Variants in NANOS1 observed in about 807,000 individuals in gnomAD.
The protein encoded by NANOS1 is nanos C2HC-type zinc finger 1.
Under a neutral mutation model 1.1 loss-of-function variants are expected in NANOS1, and 1 was observed. The ratio of observed to expected loss-of-function variants is 0.88; its 90% CI spans 0.31 to 4.20. The LOEUF (loss-of-function observed/expected upper bound fraction) is 4.20, where lower values mean the gene tolerates loss of function less well. Ranked by LOEUF, NANOS1 falls within the 30% of genes most tolerant of loss-of-function variation. The pLI is 0.17. For synonymous variants in NANOS1, 252 were observed against 230.6 expected, an observed-to-expected ratio of 1.09 and a Z score of -0.84; for missense variants, 537 against 457.9, an observed-to-expected ratio of 1.17 and a Z score of -1.58.
rs746943160 is a variant in NANOS1 at position 119,030,195 on chromosome 10, C to G, written c.394C>G (p.Leu132Val). Residue 132 changes from leucine (L) to valine (V), a missense_variant, in exon 1 of 1, where the codon CTG (leucine) becomes GTG (valine). By Grantham distance (32) the Leu-to-Val change is conservative. Transcript: ENST00000425699. This position sits in a 1 kb window ranked among gnomAD's most constrained non-coding sequence, Gnocchi z 5.3. ...GGGGAGCGCGCTGGAATTGCGCGCG[C>G]TGGAGCTGTGCGCGGGCCCCGCCGA... is the stretch of plus-strand genomic sequence containing the variant. ...YLGSALELRA[L>V]ELCAGPAEAG... 5.6e-5 allele frequency: 74 copies of G among 1,321,398 alleles called. No homozygotes were observed. The highest frequency in any genetic ancestry group is 2.4e-4 in the Middle Eastern group (1 of 4,244). The allele number at this position is 1,321,398 out of a possible 1,614,324, so 81.9% of individuals were successfully genotyped here. A position where few individuals can be genotyped will look rare whatever the true frequency, so the allele number is the denominator to read the frequency against.
chr10:119,030,753 C>A lies in NANOS1; in HGVS notation c.*73C>A. On this transcript the variant is annotated 3_prime_UTR_variant, in exon 1 of 1. Transcript: ENST00000425699. This position sits in a 1 kb window ranked among gnomAD's most constrained non-coding sequence, Gnocchi z 5.3. ...CTAGGTCTGCGCACCATCTCGCCCC[C>A]GCCGTGGGGAGGCGTGCGGCTCAGC... 2 of 1,244,024 alleles carry A rather than the reference C, an allele frequency of 1.6e-6. No homozygotes were observed. The highest frequency in any genetic ancestry group is 3.8e-5 in the South Asian group (1 of 26,360). The allele number at this position is 1,244,024 out of a possible 1,614,324, so 77.1% of individuals were successfully genotyped here.
chr10:119,030,054 T>G lies in NANOS1; in HGVS notation c.253T>G (p.Cys85Gly). 7.4e-7 allele frequency: 1 copy of G among 1,343,886 alleles called. No homozygotes were observed. Among genetic ancestry groups the G allele is most frequent in the Admixed American group, 3.5e-5 (1 of 28,388 alleles). The allele number at this position is 1,343,886 out of a possible 1,614,324, so 83.2% of individuals were successfully genotyped here. A position where few individuals can be genotyped will look rare whatever the true frequency, so the allele number is the denominator to read the frequency against. The change falls in exon 1 of 1, where the codon TGC (cysteine) becomes GGC (glycine). Residue 85 changes from cysteine (C) to glycine (G), a missense_variant. Cys to Gly is a radical substitution (Grantham distance 159). Coordinates refer to ENST00000425699, the MANE Select transcript of NANOS1 (RefSeq NM_199461.4). The surrounding 1 kb of genome is among the most constrained non-coding windows in gnomAD (Gnocchi z 5.3). ...GCCCTCCTCCTCCTCGTCGTCCTGCTGCTCCCCCCACACGGGGGCCGGGCC... is the reference window on the plus strand; with the variant it reads ...GCCCTCCTCCTCCTCGTCGTCCTGCGGCTCCCCCCACACGGGGGCCGGGCC... ...SPPSSSSSSC[C>G]SPHTGAGPGA...
In NANOS1 at chr10:119,030,319, C is replaced by T. The variant is rs1255742202; in HGVS notation, c.518C>T (p.Ala173Val). ...TGCGCGCCCGCCGCCGCCGCCGCCG[C>T]CACCACCACCAGCGAGGCGACGCCG... ...LGCAPAAAAA[A>V]TTTSEATPRE... Residue 173 changes from alanine to valine, a missense_variant, in exon 1 of 1, where the codon GCC becomes GTC. Ala to Val is a moderately conservative substitution (Grantham distance 64). Transcript: ENST00000425699. This position sits in a 1 kb window ranked among gnomAD's most constrained non-coding sequence, Gnocchi z 5.3. The T allele has an allele frequency of 3.4e-5, 38 of 1,132,654 alleles. No homozygotes were observed. Among genetic ancestry groups the T allele is most frequent in the Non-Finnish European group, 3.8e-5 (35 of 927,020 alleles). 70.2% of individuals were successfully genotyped at this position (1,132,654 alleles called of 1,614,324 possible).
chr10:119,032,527 C>CT lies in NANOS1; in HGVS notation c.*1848dup, dbSNP rs1848066145. Reference sequence around the variant, plus strand: ...GAGCTTCACCTTCTGGGTGAAGTTTCTAAGGTCAACATGAATCCTCTTACC... The same window carrying CT: ...GAGCTTCACCTTCTGGGTGAAGTTTCTTAAGGTCAACATGAATCCTCTTACC... On this transcript the variant is annotated 3_prime_UTR_variant, in exon 1 of 1. Coordinates refer to ENST00000425699, the MANE Select transcript of NANOS1 (RefSeq NM_199461.4). The CT allele has an allele frequency of 6.0e-6, 1 of 167,076 alleles. No homozygotes were observed. The highest frequency in any genetic ancestry group is 6.5e-5 in the Admixed American group (1 of 15,284). The allele number at this position is 167,076 out of a possible 1,614,324, so 10.3% of individuals were successfully genotyped here.
Position 119,029,833 on chromosome 10 carries a change from C to A in NANOS1, c.32C>A (p.Pro11His). ...GCTTTCCCCTGGGCGCCCCGCTCGC[C>A]CCGCCGCGGCCGCGCCCCCCCGCCC... MEAFPWAPRS[P>H]RRGRAPPPMA... Residue 11 changes from proline (P) to histidine (H), a missense_variant, in exon 1 of 1, where the codon CCC (proline) becomes CAC (histidine). Coordinates refer to ENST00000425699, the MANE Select transcript of NANOS1 (RefSeq NM_199461.4). 1 of 1,191,194 alleles carries A rather than the reference C, an allele frequency of 8.4e-7. No individual in the cohort carries two copies. Among genetic ancestry groups the A allele is most frequent in the Non-Finnish European group, 1.0e-6 (1 of 966,002 alleles). The allele number at this position is 1,191,194 out of a possible 1,614,324, so 73.8% of individuals were successfully genotyped here.
At position 119,033,319 on chromosome 10, in the gene NANOS1, T is replaced by C. The variant is rs2119816364; in HGVS notation, c.*2639T>C. On this transcript the variant is annotated 3_prime_UTR_variant, in exon 1 of 1. Transcript: ENST00000425699. ...TATAGTTAATTTTCTAGGGTTCTCT[T>C]ATGAAAAGTATATGTAAACACATTC... is the stretch of plus-strand genomic sequence containing the variant. 6.0e-6 allele frequency: 1 copy of C among 167,240 alleles called. No individual in the cohort carries two copies. Among genetic ancestry groups the C allele is most frequent in the East Asian group, 1.9e-4 (1 of 5,192 alleles). The allele number at this position is 167,240 out of a possible 1,614,324, so 10.4% of individuals were successfully genotyped here.
rs79170274 is a variant in NANOS1, at chr10:119,030,036, T to A, written c.235T>A (p.Ser79Thr). Residue 79 changes from serine to threonine, a missense_variant, in exon 1 of 1, where the codon TCC (serine) becomes ACC (threonine). Coordinates refer to ENST00000425699, the MANE Select transcript of NANOS1 (RefSeq NM_199461.4). The surrounding 1 kb of genome is among the most constrained non-coding windows in gnomAD (Gnocchi z 5.3). ...GNGGGGSPPS[S>T]SSSSCCSPHT... ...CGGCGGCGGCGGCTCCCCGCCCTCCTCCTCCTCGTCGTCCTGCTGCTCCCC... is the reference window on the plus strand; with the variant it reads ...CGGCGGCGGCGGCTCCCCGCCCTCCACCTCCTCGTCGTCCTGCTGCTCCCC... The A allele has an allele frequency of 9.1e-3, 12,561 of 1,374,902 alleles. 859 individuals carry two copies. The African/African-American group carries it at 0.16, about 17-fold the overall frequency. The allele number at this position is 1,374,902 out of a possible 1,614,324, so 85.2% of individuals were successfully genotyped here.
Position 119,030,090 on chromosome 10 carries a change from G to C in NANOS1, c.289G>C (p.Gly97Arg). The change falls in exon 1 of 1, where the codon GGG (glycine) becomes CGG (arginine). Residue 97 changes from glycine (G) to arginine (R), a missense_variant. Gly to Arg is a moderately radical substitution (Grantham distance 125). Coordinates refer to ENST00000425699, the MANE Select transcript of NANOS1 (RefSeq NM_199461.4). This position sits in a 1 kb window ranked among gnomAD's most constrained non-coding sequence, Gnocchi z 5.3. ...PHTGAGPGALGPALGPPDYDE... is the reference protein window; with the variant it reads ...PHTGAGPGALRPALGPPDYDE... ...CACGGGGGCCGGGCCTGGGGCGCTG[G>C]GGCCGGCGCTGGGGCCGCCCGACTA... 1.5e-6 allele frequency: 2 copies of C among 1,311,544 alleles called. No individual in the cohort carries two copies. Among genetic ancestry groups the C allele is most frequent in the Non-Finnish European group, 1.9e-6 (2 of 1,035,826 alleles). The allele number at this position is 1,311,544 out of a possible 1,614,324, so 81.2% of individuals were successfully genotyped here.
chr10:119,030,583 C>G lies in NANOS1; in HGVS notation c.782C>G (p.Thr261Ser). 1 of 1,519,790 alleles carries G rather than the reference C, an allele frequency of 6.6e-7. No individual in the cohort carries two copies. The highest frequency in any genetic ancestry group is 1.2e-5 in the South Asian group (1 of 81,308). The allele number at this position is 1,519,790 out of a possible 1,614,324, so 94.1% of individuals were successfully genotyped here. Residue 261 changes from threonine to serine, a missense_variant, in exon 1 of 1, where the codon ACC becomes AGC. Transcript: ENST00000425699. This position sits in a 1 kb window ranked among gnomAD's most constrained non-coding sequence, Gnocchi z 5.3. The part of the protein sequence containing the change: ...LCGASGDNAH[T>S]IKYCPLSKVP... ...GGCGCCAGCGGCGACAACGCGCACA[C>G]CATCAAGTACTGCCCGCTCTCCAAA...
chr10:119,029,792 C>T lies in NANOS1; in HGVS notation c.-10C>T. On this transcript the variant is annotated 5_prime_UTR_variant, in exon 1 of 1. Transcript: ENST00000425699. ...CGGCGGGGAGGCGGCGCGCGGCCCG[C>T]AGCCCGCCCATGGAGGCTTTCCCCT... The T allele has an allele frequency of 1.9e-6, 2 of 1,030,848 alleles. No individual in the cohort carries two copies. Among genetic ancestry groups the T allele is most frequent in the Non-Finnish European group, 2.3e-6 (2 of 861,024 alleles). 63.9% of individuals were successfully genotyped at this position (1,030,848 alleles called of 1,614,324 possible). A position where few individuals can be genotyped will look rare whatever the true frequency, so the allele number is the denominator to read the frequency against.
chr10:119,030,668 G>A lies in NANOS1; in HGVS notation c.867G>A (p.Lys289=). The change falls in exon 1 of 1, where the codon AAG becomes AAA. Residue 289 remains lysine, a synonymous_variant. Transcript: ENST00000425699. This position sits in a 1 kb window ranked among gnomAD's most constrained non-coding sequence, Gnocchi z 5.3. ...PRSARDGPPG[K]KLR ...GCGCCAGGGACGGCCCGCCTGGCAA[G>A]AAGCTGCGCTGAAGGCCCGGGCTCC... The A allele has an allele frequency of 7.4e-7, 1 of 1,349,126 alleles. No individual in the cohort carries two copies. The highest frequency in any genetic ancestry group is 9.5e-7 in the Non-Finnish European group (1 of 1,051,404). The allele number at this position is 1,349,126 out of a possible 1,614,324, so 83.6% of individuals were successfully genotyped here.
rs1043157733 is a variant in NANOS1, at chr10:119,030,985, A to C, written c.*305A>C. On this transcript the variant is annotated 3_prime_UTR_variant, in exon 1 of 1. Transcript: ENST00000425699. The surrounding 1 kb of genome is among the most constrained non-coding windows in gnomAD (Gnocchi z 5.3). ...TAGAGGCGCTGTTTATTTACTGTAT[A>C]CGTCGACCTATTTTAGATGCGCATC... 3.3e-6 allele frequency: 1 copy of C among 304,250 alleles called. No homozygotes were observed. The highest frequency in any genetic ancestry group is 2.2e-5 in the African/African-American group (1 of 45,438). The allele number at this position is 304,250 out of a possible 1,614,324, so 18.8% of individuals were successfully genotyped here.
Position 119,031,840 on chromosome 10 carries a change from TG to T in NANOS1, c.*1165del, listed in dbSNP as rs1848054187. The T allele has an allele frequency of 6.0e-6, 1 of 167,074 alleles. No homozygotes were observed. Among genetic ancestry groups the T allele is most frequent in the Non-Finnish European group, 1.5e-5 (1 of 68,128 alleles). 10.3% of individuals were successfully genotyped at this position (167,074 alleles called of 1,614,324 possible). On this transcript the variant is annotated 3_prime_UTR_variant, in exon 1 of 1. Transcript: ENST00000425699. ...AATAAGCACTAATTAAAGGAATTGT[TG>T]GGGGTCCTTCATGTGTTCCCACTCC...
Position 119,030,282 on chromosome 10 carries a change from G to C in NANOS1, c.481G>C (p.Val161Leu), listed in dbSNP as rs1352176563. The C allele has an allele frequency of 3.3e-6, 4 of 1,214,910 alleles. No homozygotes were observed. Among genetic ancestry groups the C allele is most frequent in the Admixed American group, 4.3e-5 (1 of 23,048 alleles). The allele number at this position is 1,214,910 out of a possible 1,614,324, so 75.3% of individuals were successfully genotyped here. A position where few individuals can be genotyped will look rare whatever the true frequency, so the allele number is the denominator to read the frequency against. ...LSPFAGRAAA[V>L]LLGCAPAAAA... ...CCCGTTCGCGGGTCGTGCCGCCGCCGTGCTGCTGGGCTGCGCGCCCGCCGC... is the reference window on the plus strand; with the variant it reads ...CCCGTTCGCGGGTCGTGCCGCCGCCCTGCTGCTGGGCTGCGCGCCCGCCGC... Residue 161 changes from valine (V) to leucine (L), a missense_variant, in exon 1 of 1, where the codon GTG becomes CTG. Physicochemically the swap from Val to Leu is conservative, Grantham distance 32. Coordinates refer to ENST00000425699, the MANE Select transcript of NANOS1 (RefSeq NM_199461.4). The surrounding 1 kb of genome is among the most constrained non-coding windows in gnomAD (Gnocchi z 5.3).
Position 119,030,569 on chromosome 10 carries a change from C to G in NANOS1, c.768C>G (p.Gly256=). Residue 256 remains glycine, a synonymous_variant, in exon 1 of 1, where the codon GGC becomes GGG. Transcript: ENST00000425699. The surrounding 1 kb of genome is among the most constrained non-coding windows in gnomAD (Gnocchi z 5.3). ...CGTGTCCCCTGTGCGGCGCCAGCGG[C>G]GACAACGCGCACACCATCAAGTACT... ...RYTCPLCGAS[G]DNAHTIKYCP... The G allele has an allele frequency of 6.5e-7, 1 of 1,529,058 alleles. No individual in the cohort carries two copies. The allele number at this position is 1,529,058 out of a possible 1,614,324, so 94.7% of individuals were successfully genotyped here. A position where few individuals can be genotyped will look rare whatever the true frequency, so the allele number is the denominator to read the frequency against.
In NANOS1 at chr10:119,031,145, T is replaced by C. The variant is rs1044182267; in HGVS notation, c.*465T>C. 2.5e-4 allele frequency: 42 copies of C among 169,882 alleles called. No homozygotes were observed. The highest frequency in any genetic ancestry group is 5.1e-4 in the Non-Finnish European group (36 of 70,032). 10.5% of individuals were successfully genotyped at this position (169,882 alleles called of 1,614,324 possible). On this transcript the variant is annotated 3_prime_UTR_variant, in exon 1 of 1. Transcript: ENST00000425699. ...TTATGAAATGTCGGCAAAATGACTA[T>C]TTTATTGTTTGAAGCGAGTTAATAT...
rs1848010124 is a variant in NANOS1 at position 119,029,720 on chromosome 10, G to T, written c.-82G>T. ...GGCGCGGCGGCCCCACCCCGCGGCA[G>T]GCCGGCGGGCAGGCTCGGCGTGTCC... On this transcript the variant is annotated 5_prime_UTR_variant, in exon 1 of 1. It adds an upstream start codon to the 5' untranslated region. Coordinates refer to ENST00000425699, the MANE Select transcript of NANOS1 (RefSeq NM_199461.4). 12 of 723,826 alleles carry T rather than the reference G, an allele frequency of 1.7e-5. No individual in the cohort carries two copies. Among genetic ancestry groups the T allele is most frequent in the Non-Finnish European group, 2.0e-5 (12 of 594,210 alleles). The allele number at this position is 723,826 out of a possible 1,614,324, so 44.8% of individuals were successfully genotyped here.
At position 119,030,656 on chromosome 10, in the gene NANOS1, C is replaced by A; in HGVS notation, c.855C>A (p.Gly285=). ...CGCCGCCCCGCAGCGCCAGGGACGGCCCGCCTGGCAAGAAGCTGCGCTGAA... is the reference window on the plus strand; with the variant it reads ...CGCCGCCCCGCAGCGCCAGGGACGGACCGCCTGGCAAGAAGCTGCGCTGAA... ...ARPPPRSARD[G]PPGKKLR The change falls in exon 1 of 1, where the codon GGC becomes GGA. Residue 285 remains glycine, a synonymous_variant. Transcript: ENST00000425699. The surrounding 1 kb of genome is among the most constrained non-coding windows in gnomAD (Gnocchi z 5.3). 2 of 1,390,598 alleles carry A rather than the reference C, an allele frequency of 1.4e-6. No individual in the cohort carries two copies. The highest frequency in any genetic ancestry group is 3.5e-5 in the South Asian group (2 of 56,406). 86.1% of individuals were successfully genotyped at this position (1,390,598 alleles called of 1,614,324 possible).
In NANOS1 at chr10:119,031,042, A is replaced by G. The variant is rs1264395287; in HGVS notation, c.*362A>G. On this transcript the variant is annotated 3_prime_UTR_variant, in exon 1 of 1. Coordinates refer to ENST00000425699, the MANE Select transcript of NANOS1 (RefSeq NM_199461.4). ...AAATTGTCTCAATCTTGGATGTTTC[A>G]TTTTATGAATGGAGGCACTTTACTA... is the stretch of plus-strand genomic sequence containing the variant. 1 of 222,900 alleles carries G rather than the reference A, an allele frequency of 4.5e-6. No homozygotes were observed. The highest frequency in any genetic ancestry group is 9.5e-6 in the Non-Finnish European group (1 of 105,454). The allele number at this position is 222,900 out of a possible 1,614,324, so 13.8% of individuals were successfully genotyped here.
Sources: gnomAD v4.1 joint callset for allele counts on GRCh38, gnomAD v4.1.1 for gene constraint, Gnocchi (gnomAD v3.1) non-coding constraint, MANE v1.5 for transcripts, NCBI Gene and HGNC (gene_info 2026-07-23, HGNC 2026-07-21) for gene names.